The following BFSP1 variants were observed in gnomAD, a reference collection of about 807,000 sequenced individuals.
The protein encoded by BFSP1 is filensin.
Under a neutral mutation model 43.9 loss-of-function variants are expected in BFSP1, and 38 were observed. That is an observed-to-expected ratio of 0.87 (90% CI 0.67 to 1.14). The LOEUF is 1.14. Ranked by LOEUF, BFSP1 falls within the 50% of genes most tolerant of loss-of-function variation. The pLI is 0.00. For synonymous variants in BFSP1, 352 were observed against 354.8 expected, an observed-to-expected ratio of 0.99 and a Z score of 0.09; for missense variants, 850 against 875.1, an observed-to-expected ratio of 0.97 and a Z score of 0.36.
intron 1 of BFSP1, among the ~76,000 whole-genome samples, chr20:17,537,309 G>A (rs1286925777): frequency 6.6e-6 from 1 of 152,120 alleles, no homozygotes; most frequent in African/African-American, 2.4e-5. Context: ...CTGTAGCCAG[G>A]CCTCTCCATG....
intron 1 of BFSP1, among the ~76,000 whole-genome samples, chr20:17,543,324 T>C (rs1277194802): frequency 6.6e-6 from 1 of 152,332 alleles, no homozygotes; most frequent in Non-Finnish European, 1.5e-5. Flanking sequence ...CCAGAGCCCA[T>C]GAAATGTTGT....
chr20:17,568,975 T>G (rs35384212), intron 1 of BFSP1, among the ~76,000 whole-genome samples: 9,891 of 152,156 alleles, frequency 0.065, 384 homozygotes, highest in Non-Finnish European at 0.089. Flanking sequence ...ATCTGGGCCC[T>G]CTGAAAACCG....
intron 2 of BFSP1, among the ~76,000 whole-genome samples, chr20:17,523,458 A>G (rs928957275): frequency 2.6e-5 from 4 of 151,922 alleles, no homozygotes; most frequent in Non-Finnish European, 5.9e-5. Context: ...GGTTGCACAA[A>G]ACAGAAGAAT....
chr20:17,515,902 A>G (rs1044529903), intron 2 of BFSP1, among the ~76,000 whole-genome samples: 1 of 152,150 alleles, frequency 6.6e-6, no homozygotes, highest in Admixed American at 6.6e-5. Context: ...TATGTAAGAG[A>G]CACTCTCCAT....
intron 1 of BFSP1, among the ~76,000 whole-genome samples, chr20:17,553,029 G>A (rs1470968575): frequency 6.6e-6 from 1 of 152,286 alleles, no homozygotes; most frequent in East Asian, 1.9e-4. Flanking sequence ...AAGAGAAGAA[G>A]TCTAAGAACT....
chr20:17,566,144 T>TTCCTGGTTC (rs2035116464), intron 1 of BFSP1, among the ~76,000 whole-genome samples: 3 of 143,674 alleles, frequency 2.1e-5, no homozygotes, highest in Non-Finnish European at 4.6e-5. Context: ...AAAAAAAGAC[T>TTCCTGGTTC]ACTGACATAA....
chr20:17,494,944 A>G lies in BFSP1; in HGVS notation c.1128T>C (p.Ile376=). Reference sequence around the variant, plus strand: ...CTCCGTTGGTTTTGTCTTTTGTTATAATCTCTTTTCTCCTTGGAACATTCT... The same window carrying G: ...CTCCGTTGGTTTTGTCTTTTGTTATGATCTCTTTTCTCCTTGGAACATTCT... The part of the protein sequence containing the change: ...LPKNVPRRKE[I]ITKDKTNGAL... The change falls in exon 8 of 8, where the codon ATT becomes ATC. Residue 376 remains isoleucine (I), a synonymous_variant. Coordinates refer to ENST00000377873, the MANE Select transcript of BFSP1 (RefSeq NM_001195.5). The G allele has an allele frequency of 6.2e-7, 1 of 1,614,078 alleles. No homozygotes were observed. Among genetic ancestry groups the G allele is most frequent in the Non-Finnish European group, 8.5e-7 (1 of 1,180,016 alleles).
rs768295159 is a variant in BFSP1, at chr20:17,494,155, A to G, written c.1917T>C (p.Tyr639=). Residue 639 remains tyrosine (Y), a synonymous_variant, in exon 8 of 8, where the codon TAT becomes TAC. Transcript: ENST00000377873. ...TCTCCACGATCACAGCGGTTTCTTC[A>G]TATGTCTGAATGCTCTCCGTGGAAA... ...EKISTESIQT[Y]EETAVIVETM... The G allele has an allele frequency of 1.2e-6, 2 of 1,613,928 alleles. No individual in the cohort carries two copies. Among genetic ancestry groups the G allele is most frequent in the Admixed American group, 1.7e-5 (1 of 60,004 alleles).
chr20:17,543,255 A>C (rs1156710326), intron 1 of BFSP1, among the ~76,000 whole-genome samples: 3 of 152,226 alleles, frequency 2.0e-5, no homozygotes, highest in Non-Finnish European at 4.4e-5. Context: ...CCGTGTAACA[A>C]AGAAAAAACT....
chr20:17,531,380 GC>G (rs1327326435), upstream of BFSP1: 4 of 1,296,898 alleles, frequency 3.1e-6, no homozygotes, highest in Non-Finnish European at 3.9e-6. Flanking sequence ...TCTCCAGGAG[GC>G]CCCCGGCGCA....
intron 5 of BFSP1, among the ~76,000 whole-genome samples, chr20:17,502,174 TG>T (rs201673046): frequency 9.9e-5 from 13 of 130,814 alleles, no homozygotes; most frequent in African/African-American, 3.4e-4. Context: ...CCTGCTCCTT[TG>T]GAAAAAAAAA....
chr20:17,498,874 G>T lies in BFSP1; in HGVS notation c.902C>A (p.Thr301Asn), dbSNP rs757976937. ...ATACCGGTCCAGCTCATTCTTCAGG[G>T]TTTGCTGGGCGACCGCCAGCTGCCG... ...DCRQLAVAQQ[T>N]LKNELDRYHR... is the part of the protein sequence containing the mutation. Residue 301 changes from threonine (T) to asparagine (N), a missense_variant, in exon 6 of 8, where the codon ACC (threonine) becomes AAC (asparagine). Physicochemically the swap from Thr to Asn is moderately conservative, Grantham distance 65. Transcript: ENST00000377873. 9 of 1,613,806 alleles carry T rather than the reference G, an allele frequency of 5.6e-6. No homozygotes were observed. The East Asian group carries it at 1.8e-4, about 32-fold the overall frequency.
chr20:17,497,185 G>T (rs551802441), intron 6 of BFSP1, among the ~76,000 whole-genome samples, 162 bp from the exon 7 acceptor site: 1 of 152,258 alleles, frequency 6.6e-6, no homozygotes, highest in East Asian at 1.9e-4. Flanking sequence ...TTACATACTG[G>T]ATGAGGACAT....
chr20:17,524,826 C>T (rs1191303233), intron 2 of BFSP1, 22 bp downstream of exon 2: 2 of 1,611,570 alleles, frequency 1.2e-6, no homozygotes, highest in Non-Finnish European at 1.7e-6. Flanking sequence ...GCTACGTAAA[C>T]CCAAGGATGT....
intron 5 of BFSP1, among the ~76,000 whole-genome samples, chr20:17,508,345 G>A (rs2033990136): frequency 6.6e-6 from 1 of 152,196 alleles, no homozygotes; most frequent in Non-Finnish European, 1.5e-5. Flanking sequence ...ACCCAAAAGG[G>A]GTGGGGGTAG....
At chr20:17,511,107 C>T (rs1600647678) in intron 4 of BFSP1, among the ~76,000 whole-genome samples, 1 of 122,350 alleles carries the variant, frequency 8.2e-6, no homozygotes, top group African/African-American at 3.7e-5. Context: ...CCACCTCACT[C>T]AGCACCAGTC....
At chr20:17,563,736 A>C (rs533687915), upstream of BFSP1, among the ~76,000 whole-genome samples, 28 of 152,040 alleles carry the variant, frequency 1.8e-4, no homozygotes, top group African/African-American at 6.5e-4. Flanking sequence ...ATATTTAAAA[A>C]TTAGCTGGGG....
chr20:17,528,734 T>A (rs2034472294), intron 1 of BFSP1, among the ~76,000 whole-genome samples: 1 of 152,202 alleles, frequency 6.6e-6, no homozygotes, highest in Admixed American at 6.5e-5. Context: ...GCTCCAAGTC[T>A]GTTTCTACAG....
At chr20:17,548,007 C>T (rs2034833845) in intron 1 of BFSP1, among the ~76,000 whole-genome samples, 1 of 150,116 alleles carries the variant, frequency 6.7e-6, no homozygotes, top group Non-Finnish European at 1.5e-5. Context: ...CCTCAGCCTC[C>T]GACAGTGCTG....
Sources: allele counts gnomAD v4.1 joint callset (sites outside exome capture counted in the v4.1 genomes callset), GRCh38; gene constraint gnomAD v4.1.1; transcripts MANE v1.5; gene names NCBI Gene and HGNC (gene_info 2026-07-23, HGNC 2026-07-21).